Variants in NCOR1 observed in about 807,000 individuals in gnomAD.
NCOR1 encodes the protein protein phosphatase 1, regulatory subunit 109.
Under a neutral mutation model 288.1 loss-of-function variants are expected in NCOR1, and 63 were observed. That is an observed-to-expected ratio of 0.22 (90% CI 0.18 to 0.27). NCOR1 has a LOEUF of 0.27. Ranked by LOEUF, NCOR1 falls within the 10% of genes least tolerant of loss-of-function variation. The probability of loss-of-function intolerance (pLI) is 1.00; values close to 1 mark genes in which losing one functional copy is unlikely to be tolerated. For synonymous variants in NCOR1, 1,007 were observed against 1,065.9 expected, an observed-to-expected ratio of 0.94 and a Z score of 1.08; for missense variants, 2,397 against 3,019.2, an observed-to-expected ratio of 0.79 and a Z score of 4.83.
chr17:16,041,424 C>CTTTTTTTTTTTTTTTTTTTTTTT, intron 42 of NCOR1, among the ~76,000 whole-genome samples: 1 of 46,244 alleles, frequency 2.2e-5, no homozygotes, highest in Non-Finnish European at 5.0e-5. Flanking sequence ...TTTTTTTTTC[C>CTTTTTTTTTTTTTTTTTTTTTTT]TTTGAGATGG....
chr17:16,204,679 C>T (rs1217273993), intron 1 of NCOR1, among the ~76,000 whole-genome samples: 1 of 152,084 alleles, frequency 6.6e-6, no homozygotes, highest in African/African-American at 2.4e-5. Flanking sequence ...AAGTAGAGCA[C>T]AAAACACAAA....
intron 18 of NCOR1, among the ~76,000 whole-genome samples, chr17:16,113,367 T>C (rs1452349325): frequency 6.6e-6 from 1 of 152,200 alleles, no homozygotes; most frequent in Non-Finnish European, 1.5e-5. Context: ...ACATATGATC[T>C]AATCTGTGGA....
At chr17:16,154,176 G>C (rs178658) in intron 6 of NCOR1, among the ~76,000 whole-genome samples, 63,292 of 151,562 alleles carry the variant, frequency 0.42, 15,078 homozygotes, top group Middle Eastern at 0.55. Flanking sequence ...ACAGGTGTGA[G>C]CCACAGCACC....
chr17:16,111,299 A>AGGCCAGGCGCAGTGGCTCAT (rs2070103118), intron 18 of NCOR1, among the ~76,000 whole-genome samples: 2 of 152,210 alleles, frequency 1.3e-5, no homozygotes, highest in African/African-American at 4.8e-5. Context: ...ATAGAAACAC[A>AGGCCAGGCGCAGTGGCTCAT]GGCCAGGCGC....
chr17:16,169,536 AAGG>A (rs1289515085), intron 4 of NCOR1, among the ~76,000 whole-genome samples: 3 of 152,296 alleles, frequency 2.0e-5, no homozygotes, highest in Admixed American at 1.3e-4. Context: ...AGGGAGATGG[AAGG>A]AGAAGTATTA....
At chr17:16,172,377 G>C (rs1207784817) in intron 3 of NCOR1, among the ~76,000 whole-genome samples, 1 of 152,032 alleles carries the variant, frequency 6.6e-6, no homozygotes, top group Admixed American at 6.5e-5. Context: ...AAAAGGTTTG[G>C]GGGGAGGATT....
intron 20 of NCOR1, 71 bp from the exon 21 acceptor site, chr17:16,098,567 TCTTC>T: frequency 7.2e-7 from 1 of 1,382,460 alleles, no homozygotes; most frequent in Non-Finnish European, 1.0e-6. Context: ...CACTATAAGT[TCTTC>T]TAAGTTAGTA....
At chr17:16,197,841 T>C (rs561457693) in intron 1 of NCOR1, among the ~76,000 whole-genome samples, 113 of 152,278 alleles carry the variant, frequency 7.4e-4, no homozygotes, top group South Asian at 1.7e-3. Context: ...AAATATTATA[T>C]GTAGGACTTA....
chr17:16,108,917 A>C lies in NCOR1; in HGVS notation c.2056-5T>G. 1.3e-6 allele frequency: 2 copies of C among 1,561,860 alleles called. No homozygotes were observed. Among genetic ancestry groups the C allele is most frequent in the South Asian group, 2.4e-5 (2 of 81,828 alleles). On this transcript the variant is annotated splice_polypyrimidine_tract_variant and splice_region_variant and intron_variant, in intron 18 of 45. Coordinates refer to ENST00000268712, the MANE Select transcript of NCOR1 (RefSeq NM_006311.4). Reference sequence around the variant, plus strand: ...TTCACGAGGTTTTCGTGAAGTCTAAAGGAGGAAAGAGTATTATTTGATTTA... The same window carrying C: ...TTCACGAGGTTTTCGTGAAGTCTAACGGAGGAAAGAGTATTATTTGATTTA...
chr17:16,133,638 A>G (rs1311116006), intron 14 of NCOR1, among the ~76,000 whole-genome samples: 1 of 152,186 alleles, frequency 6.6e-6, no homozygotes, highest in Non-Finnish European at 1.5e-5. Context: ...CTATATCTTT[A>G]ACCCAGATCT....
chr17:16,096,435 A>G (rs2066630246), intron 21 of NCOR1, among the ~76,000 whole-genome samples: 1 of 152,206 alleles, frequency 6.6e-6, no homozygotes, highest in South Asian at 2.1e-4. Flanking sequence ...TATTAAGGTA[A>G]AATATAAAAA....
rs375446764 is a variant in NCOR1, at chr17:16,143,578, T to C, written c.1173+28A>G. ...TTAAAATGCTTTAATAATTAACGAA[T>C]TAACTTGAATTAAATTTATTTTCTT... On this transcript the variant is annotated intron_variant, in intron 11 of 45. Coordinates refer to ENST00000268712, the MANE Select transcript of NCOR1 (RefSeq NM_006311.4). 3.9e-5 allele frequency: 60 copies of C among 1,555,186 alleles called. No homozygotes were observed. The African/African-American group carries it at 7.1e-4, about 18-fold the overall frequency.
chr17:16,076,641 CTCTTA>C (rs2062497350), intron 26 of NCOR1, among the ~76,000 whole-genome samples: 1 of 152,204 alleles, frequency 6.6e-6, no homozygotes, highest in African/African-American at 2.4e-5. Context: ...GAAGTGTCTT[CTCTTA>C]TTCTAGGCAA....
chr17:16,062,777 CTT>C (rs1364990729), intron 35 of NCOR1, among the ~76,000 whole-genome samples: 2 of 152,172 alleles, frequency 1.3e-5, no homozygotes, highest in Admixed American at 6.5e-5. Flanking sequence ...ACAGGTGACT[CTT>C]TCTCTCAGCA....
chr17:16,201,085 C>G (rs991742610), intron 1 of NCOR1, among the ~76,000 whole-genome samples: 3 of 152,174 alleles, frequency 2.0e-5, no homozygotes, highest in Admixed American at 6.5e-5. Flanking sequence ...GCTTCTCAGC[C>G]TTTTGGTTAA....
chr17:16,068,686 A>T (rs2061399710), intron 31 of NCOR1, among the ~76,000 whole-genome samples: 1 of 150,130 alleles, frequency 6.7e-6, no homozygotes, highest in Non-Finnish European at 1.5e-5. Flanking sequence ...ATAAATATAT[A>T]TTCAAACACT....
At chr17:16,090,813 C>G (rs2152899419) in intron 22 of NCOR1, among the ~76,000 whole-genome samples, 1 of 152,262 alleles carries the variant, frequency 6.6e-6, no homozygotes, top group East Asian at 1.9e-4. Flanking sequence ...TCAGCAGGAT[C>G]AGTTAAGTAC....
intron 2 of NCOR1, chr17:16,191,881 G>A (rs1260972665): frequency 1.3e-5 from 2 of 150,992 alleles, no homozygotes; most frequent in African/African-American, 4.9e-5. Flanking sequence ...GGGAGGCTGA[G>A]GCAAGAGGAT....
chr17:16,098,117 G>A (rs2066965053), intron 21 of NCOR1, among the ~76,000 whole-genome samples: 1 of 152,166 alleles, frequency 6.6e-6, no homozygotes, highest in Admixed American at 6.5e-5. Flanking sequence ...AGGAAGAGAG[G>A]AGTTGTTTAA....
Sources: gnomAD v4.1 joint callset for allele counts (sites outside exome capture counted in the v4.1 genomes callset) on GRCh38, gnomAD v4.1.1 for gene constraint, MANE v1.5 for transcripts, NCBI Gene and HGNC (gene_info 2026-07-23, HGNC 2026-07-21) for gene names.